The following AMER1 variants were observed in gnomAD, a reference collection of about 807,000 sequenced individuals.
The protein encoded by AMER1 is APC membrane recruitment protein 1.
Under a neutral mutation model 53.0 loss-of-function variants are expected in AMER1, and 16 were observed. That is an observed-to-expected ratio of 0.30 (90% CI 0.20 to 0.46). The LOEUF (loss-of-function observed/expected upper bound fraction) is 0.46. AMER1 is among the 20% of genes least tolerant of loss of function. AMER1 has a pLI of 1.00. For synonymous variants in AMER1, 354 were observed against 331.9 expected (o/e 1.07, Z -0.73); for missense variants, 947 against 884.9 (o/e 1.07, Z -0.89).
In AMER1 at chrX:64,185,549, C is replaced by T. The variant is rs1005895628; in HGVS notation, c.*4330G>A. ...ACCCAACCCTCACACATATACATAC[C>T]ATGTGGATTTTCTTCTTTGGAGTGA... On this transcript the variant is annotated 3_prime_UTR_variant, in exon 2 of 2. Transcript: ENST00000374869. 2.5e-5 allele frequency: 4 copies of T among 159,324 alleles called. No individual in the cohort carries two copies. Among genetic ancestry groups the T allele is most frequent in the African/African-American group, 1.3e-4 (4 of 31,708 alleles). 13.1% of individuals were successfully genotyped at this position (159,324 alleles called of 1,213,427 possible).
At position 64,190,100 on chromosome X, in the gene AMER1, T is replaced by A. The variant is rs1930208844; in HGVS notation, c.3187A>T (p.Ser1063Cys). Residue 1063 changes from serine (S) to cysteine (C), a missense_variant, in exon 2 of 2, where the codon AGT (serine) becomes TGT (cysteine). Transcript: ENST00000374869. Reference sequence around the variant, plus strand: ...GGGCTGGGGCTGAAGCCTCCAGAACTGGAAGAGCAACTGGGCTCATCAACA... The same window carrying A: ...GGGCTGGGGCTGAAGCCTCCAGAACAGGAAGAGCAACTGGGCTCATCAACA... The part of the protein sequence containing the change: ...LPVDEPSCSS[S>C]SGGFSPSPLP... 3.3e-6 allele frequency: 4 copies of A among 1,204,324 alleles called. No homozygotes were observed. Among genetic ancestry groups the A allele is most frequent in the Admixed American group, 2.2e-5 (1 of 45,262 alleles).
chrX:64,189,056 A>G lies in AMER1; in HGVS notation c.*823T>C. The G allele has an allele frequency of 1.2e-6, 1 of 803,056 alleles. No individual in the cohort carries two copies. 66.2% of individuals were successfully genotyped at this position (803,056 alleles called of 1,213,427 possible). Reference sequence around the variant, plus strand: ...TGTTTTGTCTTCTGTTTGCAAATGGATGAATTTTATCACTCCATCAAGGGG... The same window carrying G: ...TGTTTTGTCTTCTGTTTGCAAATGGGTGAATTTTATCACTCCATCAAGGGG... On this transcript the variant is annotated 3_prime_UTR_variant, in exon 2 of 2. Transcript: ENST00000374869.
At chrX:64,193,625 G>A (rs976376267) in intron 1 of AMER1, among the ~76,000 whole-genome samples, 3 of 112,094 alleles carry the variant, frequency 2.7e-5, no homozygotes, top group African/African-American at 6.5e-5. Context: ...CTTCTTGCTG[G>A]GTCCACTCCC....
chrX:64,197,392 C>A (rs1930396052), intron 1 of AMER1, among the ~76,000 whole-genome samples: 2 of 112,775 alleles, frequency 1.8e-5, no homozygotes, highest in African/African-American at 6.4e-5. Context: ...GGAAGAGCTT[C>A]TTCCTTCTCC....
chrX:64,189,799 A>ACCCCCCCCCCCCCCCC lies in AMER1; in HGVS notation c.*79_*80insGGGGGGGGGGGGGGGG. On this transcript the variant is annotated 3_prime_UTR_variant, in exon 2 of 2. Coordinates refer to ENST00000374869, the MANE Select transcript of AMER1 (RefSeq NM_152424.4). The stretch of plus-strand genomic sequence containing the variant: ...GTTTTCAAGTTAAACAACAACCCCC[A>ACCCCCCCCCCCCCCCC]CCCCCCCACCCTTCTGCCCAACCCC... 1 of 125,104 alleles carries ACCCCCCCCCCCCCCCC rather than the reference A, an allele frequency of 8.0e-6. No homozygotes were observed. Among genetic ancestry groups the ACCCCCCCCCCCCCCCC allele is most frequent in the Non-Finnish European group, 1.4e-5 (1 of 70,167 alleles). 10.3% of individuals were successfully genotyped at this position (125,104 alleles called of 1,213,427 possible). A position where few individuals can be genotyped will look rare whatever the true frequency, so the allele number is the denominator to read the frequency against.
chrX:64,191,015 C>T lies in AMER1; in HGVS notation c.2272G>A (p.Glu758Lys), dbSNP rs2147086454. The T allele has an allele frequency of 8.3e-7, 1 of 1,211,988 alleles. No homozygotes were observed. Among genetic ancestry groups the T allele is most frequent in the Non-Finnish European group, 1.1e-6 (1 of 895,575 alleles). ...YSPPEDPEEEEVEKEGNATVS... is the reference protein window; with the variant it reads ...YSPPEDPEEEKVEKEGNATVS... ...GTGGCATTCCCTTCCTTCTCAACCTCCTCTTCCTCTGGATCTTCAGGGGGT... is the reference window on the plus strand; with the variant it reads ...GTGGCATTCCCTTCCTTCTCAACCTTCTCTTCCTCTGGATCTTCAGGGGGT... The change falls in exon 2 of 2, where the codon GAG becomes AAG. Residue 758 changes from glutamate to lysine, a missense_variant. Coordinates refer to ENST00000374869, the MANE Select transcript of AMER1 (RefSeq NM_152424.4).
In AMER1 at chrX:64,186,182, C is replaced by G; in HGVS notation, c.*3697G>C. 2 of 1,209,511 alleles carry G rather than the reference C, an allele frequency of 1.7e-6. No individual in the cohort carries two copies. The highest frequency in any genetic ancestry group is 1.8e-5 in the South Asian group (1 of 56,730). On this transcript the variant is annotated 3_prime_UTR_variant, in exon 2 of 2. Transcript: ENST00000374869. Reference sequence around the variant, plus strand: ...TCAGTACCTGGGCATCTTCTGCTGTCCCTATCATGGGGGGAGGGAACGGAC... The same window carrying G: ...TCAGTACCTGGGCATCTTCTGCTGTGCCTATCATGGGGGGAGGGAACGGAC...
intron 1 of AMER1, among the ~76,000 whole-genome samples, chrX:64,198,069 G>A (rs1930412442): frequency 9.0e-6 from 1 of 111,667 alleles, no homozygotes; most frequent in African/African-American, 3.3e-5. Context: ...AACCTCCTTG[G>A]GGCTCAGTTT....
At chrX:64,204,394 C>G (rs1323810978) in intron 1 of AMER1, among the ~76,000 whole-genome samples, 1 of 114,020 alleles carries the variant, frequency 8.8e-6, no homozygotes, top group Non-Finnish European at 1.9e-5. Flanking sequence ...GTCCAGCTGC[C>G]GCCTAGGCGC....
rs1930211523 is a variant in AMER1, at chrX:64,190,193, G to A, written c.3094C>T (p.Pro1032Ser). ...RPSHLHLPMG[P>S]CYNLQPQASQ... ...GCCTGTGGCTGGAGGTTATAGCAAGGGCCCATGGGCAGGTGTAGGTGTGAG... is the reference window on the plus strand; with the variant it reads ...GCCTGTGGCTGGAGGTTATAGCAAGAGCCCATGGGCAGGTGTAGGTGTGAG... Residue 1032 changes from proline (P) to serine (S), a missense_variant, in exon 2 of 2, where the codon CCT becomes TCT. Pro to Ser is a moderately conservative substitution (Grantham distance 74). Transcript: ENST00000374869. 8.3e-7 allele frequency: 1 copy of A among 1,208,340 alleles called. No individual in the cohort carries two copies. Among genetic ancestry groups the A allele is most frequent in the Non-Finnish European group, 1.1e-6 (1 of 893,887 alleles).
At position 64,191,562 on chromosome X, in the gene AMER1, C is replaced by T. The variant is rs750049494; in HGVS notation, c.1725G>A (p.Arg575=). 2.5e-6 allele frequency: 3 copies of T among 1,212,306 alleles called. No individual in the cohort carries two copies. The highest frequency in any genetic ancestry group is 1.8e-5 in the South Asian group (1 of 57,001). ...QKQLLYWELR[R]EQLEAQEARA... is the part of the protein sequence containing the mutation. ...GTGCCTCCTGGGCCTCAAGCTGCTC[C>T]CGCCGAAGCTCCCAATACAACAACT... The change falls in exon 2 of 2, where the codon CGG becomes CGA. Residue 575 remains arginine, a synonymous_variant. Coordinates refer to ENST00000374869, the MANE Select transcript of AMER1 (RefSeq NM_152424.4).
intron 1 of AMER1, among the ~76,000 whole-genome samples, chrX:64,197,823 C>T (rs151135609): frequency 0.013 from 1,462 of 112,743 alleles, 6 homozygotes; most frequent in Non-Finnish European, 0.018. Flanking sequence ...CCTCAATTTC[C>T]TTAACTGTAA....
rs746279756 is a variant in AMER1 at position 64,191,642 on chromosome X, G to A, written c.1645C>T (p.Arg549Trp). 2.4e-5 allele frequency: 29 copies of A among 1,212,245 alleles called. No homozygotes were observed. Among genetic ancestry groups the A allele is most frequent in the Admixed American group, 1.3e-4 (6 of 46,143 alleles). The change falls in exon 2 of 2, where the codon CGG (arginine) becomes TGG (tryptophan). Residue 549 changes from arginine (R) to tryptophan (W), a missense_variant. By Grantham distance (101) the Arg-to-Trp change is moderately radical. Coordinates refer to ENST00000374869, the MANE Select transcript of AMER1 (RefSeq NM_152424.4). Reference sequence around the variant, plus strand: ...TCTGTCTCCATTGCCCCAGGTGGCCGGGAGGACAAAAAGGGCTCAAAGTTT... The same window carrying A: ...TCTGTCTCCATTGCCCCAGGTGGCCAGGAGGACAAAAAGGGCTCAAAGTTT... ...FLNFEPFLSS[R>W]PPGAMETEEE...
rs774349963 is a variant in AMER1, at chrX:64,191,978, T to C, written c.1309A>G (p.Met437Val). ...TAAGACCTAACTGGGTCAAGGAGCA[T>C]GTAGCCGTGGTGGCCTGGGGATGTG... ...PTTSPGHHGYMLLDPVRSYPG... is the reference protein window; with the variant it reads ...PTTSPGHHGYVLLDPVRSYPG... Residue 437 changes from methionine to valine, a missense_variant, in exon 2 of 2, where the codon ATG becomes GTG. Transcript: ENST00000374869. The C allele has an allele frequency of 9.1e-6, 11 of 1,211,883 alleles. No individual in the cohort carries two copies. Among genetic ancestry groups the C allele is most frequent in the East Asian group, 3.0e-5 (1 of 33,827 alleles).
chrX:64,197,977 G>A (rs949431884), intron 1 of AMER1, among the ~76,000 whole-genome samples: 6 of 112,576 alleles, frequency 5.3e-5, no homozygotes, highest in African/African-American at 1.6e-4. Context: ...TATTCAAACT[G>A]TGGTAGAACA....
chrX:64,205,467 C>T (rs1439682352), intron 1 of AMER1, 103 bp downstream of exon 1: 1 of 112,664 alleles, frequency 8.9e-6, no homozygotes, highest in African/African-American at 3.2e-5. Context: ...GGACTCCGAC[C>T]CGCCTAGTCC....
At position 64,186,170 on chromosome X, in the gene AMER1, ATCT is replaced by A. The variant is rs747978058; in HGVS notation, c.*3706_*3708del. The A allele has an allele frequency of 1.1e-4, 134 of 1,208,252 alleles. No individual in the cohort carries two copies. In the Middle Eastern group the frequency reaches 1.1e-3, roughly 10 times the overall value. On this transcript the variant is annotated 3_prime_UTR_variant, in exon 2 of 2. Transcript: ENST00000374869. ...TGGCGTTTGTCTTCAGTACCTGGGC[ATCT>A]TCTGCTGTCCCTATCATGGGGGGAG...
At chrX:64,203,600 G>A (rs1479934992) in intron 1 of AMER1, among the ~76,000 whole-genome samples, 1 of 111,657 alleles carries the variant, frequency 9.0e-6, no homozygotes, top group African/African-American at 3.3e-5. Flanking sequence ...GAAGTAGGCA[G>A]CCCTGGAGGA....
chrX:64,197,705 T>C (rs1442496714), intron 1 of AMER1, among the ~76,000 whole-genome samples: 2 of 112,156 alleles, frequency 1.8e-5, no homozygotes, highest in Admixed American at 1.9e-4. Context: ...GGAGGGTTGG[T>C]TAAAGAAAAA....
Sources: allele counts gnomAD v4.1 joint callset (sites outside exome capture counted in the v4.1 genomes callset), GRCh38; gene constraint gnomAD v4.1.1; transcripts MANE v1.5; gene names NCBI Gene and HGNC (gene_info 2026-07-23, HGNC 2026-07-21).